The following RREB1 variants were observed in gnomAD, a reference collection of about 807,000 sequenced individuals.
RREB1 encodes ras responsive element binding protein 1, also known as ras-responsive element-binding protein 1.
In RREB1, 27 loss-of-function variants were observed where a neutral mutation model predicts 117.8. That is an observed-to-expected ratio of 0.23 (90% CI 0.17 to 0.32). RREB1 has a LOEUF of 0.32. Ranked by LOEUF, RREB1 falls within the 10% of genes least tolerant of loss-of-function variation. The pLI, the probability that RREB1 is intolerant of heterozygous loss-of-function variation, is 1.00. For synonymous variants in RREB1, 1,298 were observed against 1,026.7 expected, an observed-to-expected ratio of 1.26 and a Z score of -5.05; for missense variants, 2,577 against 2,378.2, an observed-to-expected ratio of 1.08 and a Z score of -1.74.
At chr6:7,211,493 T>C in intron 7 of RREB1, 80 bp from the exon 8 acceptor site, 1 of 1,289,366 alleles carries the variant, frequency 7.8e-7, no homozygotes, top group Non-Finnish European at 1.1e-6. Context: ...TGTAAATCTC[T>C]GAATTTAGCA....
In RREB1 at chr6:7,230,120, ACAT is replaced by A; in HGVS notation, c.2023_2025del (p.Ile675del). On this transcript the variant is annotated inframe_deletion, in exon 10 of 13. Transcript: ENST00000379938. ...CTGGGCATCTCGCCATACCAGTGCA[ACAT>A]CTGCGACTACATCGCCGCCGACAAG... 1 of 1,604,354 alleles carries A rather than the reference ACAT, an allele frequency of 6.2e-7. No homozygotes were observed. Among genetic ancestry groups the A allele is most frequent in the Admixed American group, 1.7e-5 (1 of 59,728 alleles).
chr6:7,131,002 G>A (rs562355891), intron 1 of RREB1, among the ~76,000 whole-genome samples: 2 of 141,146 alleles, frequency 1.4e-5, no homozygotes, highest in South Asian at 2.3e-4. Context: ...TCAGTGGCGC[G>A]ATCTCGGCTC....
intron 6 of RREB1, among the ~76,000 whole-genome samples, chr6:7,205,731 TC>T (rs1190249362): frequency 6.6e-6 from 1 of 152,216 alleles, no homozygotes; most frequent in Admixed American, 6.5e-5. Flanking sequence ...TGACCAGCCT[TC>T]AGCCCTTGCA....
At chr6:7,216,108 G>A (rs1766885716) in intron 8 of RREB1, 1 of 152,224 alleles carries the variant, frequency 6.6e-6, no homozygotes, top group African/African-American at 2.4e-5. Flanking sequence ...AATGTACCCA[G>A]CAAATGATTG....
At chr6:7,142,088 G>A (rs557296386) in intron 1 of RREB1, among the ~76,000 whole-genome samples, 1 of 152,166 alleles carries the variant, frequency 6.6e-6, no homozygotes, top group African/African-American at 2.4e-5. Flanking sequence ...GGTGGCGTGC[G>A]CCTGTGATCC....
intron 1 of RREB1, among the ~76,000 whole-genome samples, chr6:7,133,492 C>T (rs914276391): frequency 6.6e-6 from 1 of 152,076 alleles, no homozygotes; most frequent in African/African-American, 2.4e-5. Flanking sequence ...GAGGCTGAGG[C>T]AGGAGGATCG....
chr6:7,163,641 G>A (rs986602718), intron 1 of RREB1, among the ~76,000 whole-genome samples: 3 of 152,048 alleles, frequency 2.0e-5, no homozygotes, highest in Non-Finnish European at 2.9e-5. Context: ...TGATCTGCCC[G>A]CCTCGGCCTC....
chr6:7,119,405 G>A (rs1311297610), intron 1 of RREB1, among the ~76,000 whole-genome samples: 1 of 152,112 alleles, frequency 6.6e-6, no homozygotes, highest in African/African-American at 2.4e-5. Flanking sequence ...TTATATACAC[G>A]TGCTAAGTGC....
intron 1 of RREB1, among the ~76,000 whole-genome samples, chr6:7,167,293 T>C (rs1763983943): frequency 6.6e-6 from 1 of 151,890 alleles, no homozygotes; most frequent in Non-Finnish European, 1.5e-5. Context: ...GGATTGCATT[T>C]GGGAAAAGCC....
intron 1 of RREB1, among the ~76,000 whole-genome samples, chr6:7,114,104 A>T (rs1761272456): frequency 6.6e-6 from 1 of 152,176 alleles, no homozygotes; most frequent in Admixed American, 6.5e-5. Context: ...GGAGACTAAC[A>T]GGACTAGCAA....
intron 1 of RREB1, among the ~76,000 whole-genome samples, chr6:7,120,599 G>A (rs1043197105): frequency 6.6e-6 from 1 of 151,708 alleles, no homozygotes; most frequent in Admixed American, 6.6e-5. Flanking sequence ...TTAATTTCCC[G>A]ATGCTAAAAG....
chr6:7,160,906 C>T (rs1442879800), intron 1 of RREB1, among the ~76,000 whole-genome samples: 2 of 152,058 alleles, frequency 1.3e-5, no homozygotes, highest in African/African-American at 4.8e-5. Flanking sequence ...GGATGGTCTC[C>T]ATCTCCTGAC....
Position 7,251,676 on chromosome 6 carries a change from C to T in RREB1, c.*2708C>T, listed in dbSNP as rs1049523499. The T allele has an allele frequency of 2.6e-5, 4 of 152,078 alleles. No individual in the cohort carries two copies. The highest frequency in any genetic ancestry group is 2.1e-4 in the South Asian group (1 of 4,812). 9.4% of individuals were successfully genotyped at this position (152,078 alleles called of 1,614,324 possible). A position where few individuals can be genotyped will look rare whatever the true frequency, so the allele number is the denominator to read the frequency against. ...TCACCATGCGTTCTGACCCTCTGTTCGTCTCTTTCCTCTCCTCTTTCTTCA... is the reference window on the plus strand; with the variant it reads ...TCACCATGCGTTCTGACCCTCTGTTTGTCTCTTTCCTCTCCTCTTTCTTCA... On this transcript the variant is annotated 3_prime_UTR_variant, in exon 13 of 13. Coordinates refer to ENST00000379938, the MANE Select transcript of RREB1 (RefSeq NM_001003699.4).
chr6:7,129,419 G>A (rs1261312530), intron 1 of RREB1, among the ~76,000 whole-genome samples: 3 of 152,220 alleles, frequency 2.0e-5, no homozygotes, highest in African/African-American at 7.2e-5. Flanking sequence ...GGCCTGCTTA[G>A]GCCTTGGAGA....
At position 7,211,465 on chromosome 6, in the gene RREB1, A is replaced by G. The variant is rs1046397924; in HGVS notation, c.571-108A>G. 1.3e-5 allele frequency: 13 copies of G among 1,008,524 alleles called. No homozygotes were observed. In the African/African-American group the frequency reaches 1.4e-4, roughly 11 times the overall value. 62.5% of individuals were successfully genotyped at this position (1,008,524 alleles called of 1,614,324 possible). On this transcript the variant is annotated intron_variant, in intron 7 of 12. Coordinates refer to ENST00000379938, the MANE Select transcript of RREB1 (RefSeq NM_001003699.4). ...TTAATAATCAGGATTGGATAATGCA[A>G]CCCTTGCCTTTTATTATTGTAAATC... is the stretch of plus-strand genomic sequence containing the variant.
intron 1 of RREB1, among the ~76,000 whole-genome samples, chr6:7,126,688 G>A (rs1375933066): frequency 1.3e-5 from 2 of 152,176 alleles, no homozygotes; most frequent in Admixed American, 6.5e-5. Context: ...ACAGCAGCTG[G>A]GTAGTTTCAG....
At chr6:7,125,165 A>G (rs1463156491) in intron 1 of RREB1, among the ~76,000 whole-genome samples, 1 of 152,218 alleles carries the variant, frequency 6.6e-6, no homozygotes, top group Non-Finnish European at 1.5e-5. Context: ...GGGGTTTGCA[A>G]AAGTGGTGTT....
In RREB1 at chr6:7,230,877, C is replaced by T. The variant is rs776374229; in HGVS notation, c.2778C>T (p.Val926=). Residue 926 remains valine (V), a synonymous_variant, in exon 10 of 13, where the codon GTC becomes GTT. Transcript: ENST00000379938. ...CCTTTCTGAGCCCTTCTTCCCTGGT[C>T]CCCTATGACTGCTCCATGGAGCCCA... ...NISFLSPSSL[V]PYDCSMEPID... 13 of 1,614,086 alleles carry T rather than the reference C, an allele frequency of 8.1e-6. No homozygotes were observed. The East Asian group carries it at 8.9e-5, about 11-fold the overall frequency.
chr6:7,215,577 T>C (rs1037353934), intron 8 of RREB1: 2 of 152,226 alleles, frequency 1.3e-5, no homozygotes, highest in African/African-American at 2.4e-5. Flanking sequence ...TGGGCTCAAG[T>C]GATCTGCCCA....
Sources: allele counts gnomAD v4.1 joint callset (sites outside exome capture counted in the v4.1 genomes callset), GRCh38; gene constraint gnomAD v4.1.1; transcripts MANE v1.5; gene names NCBI Gene and HGNC (gene_info 2026-07-23, HGNC 2026-07-21).